Variants in ZNF732 observed in about 807,000 individuals in gnomAD.
ZNF732 encodes zinc finger protein LOC654254.
In ZNF732, 12 loss-of-function variants were observed where a neutral mutation model predicts 11.5. The ratio of observed to expected loss-of-function variants is 1.05; its 90% CI spans 0.67 to 1.70. The LOEUF (loss-of-function observed/expected upper bound fraction) is 1.70. Among genes scored for constraint, ZNF732 ranks in the 40% most tolerant of loss-of-function variants. The probability of loss-of-function intolerance (pLI) is 0.00; values close to 1 mark genes in which losing one functional copy is unlikely to be tolerated. For synonymous variants in ZNF732, 231 were observed against 236.5 expected, an observed-to-expected ratio of 0.98 and a Z score of 0.21; for missense variants, 702 against 676.9, an observed-to-expected ratio of 1.04 and a Z score of -0.41.
chr4:272,509 G>A lies in ZNF732; in HGVS notation c.348C>T (p.Ser116=). 1.1e-5 allele frequency: 18 copies of A among 1,601,638 alleles called. No individual in the cohort carries two copies. Among genetic ancestry groups the A allele is most frequent in the Non-Finnish European group, 1.5e-5 (18 of 1,173,464 alleles). Residue 116 remains serine, a synonymous_variant, in exon 4 of 4, where the codon AGC becomes AGT. Transcript: ENST00000419098. ...CGHENLELRK[S]CKRKVQKGGY... ...CTCCTTTCTGCACCTTCCTTTTACA[G>A]CTTTTTCTTAATTCTAAATTCTCAT...
At chr4:288,457 A>G (rs904202927) in intron 3 of ZNF732, among the ~76,000 whole-genome samples, 8 of 152,356 alleles carry the variant, frequency 5.3e-5, no homozygotes, top group Admixed American at 1.3e-4. Flanking sequence ...AATTTTTCCC[A>G]TGTGGATACA....
chr4:299,485 A>G lies in ZNF732; in HGVS notation c.4-3330T>C, dbSNP rs534015603. Among the ~76,000 whole-genome samples, 130 of 115,648 alleles carry G rather than the reference A, an allele frequency of 1.1e-3. 6 individuals are homozygous for G. The highest frequency in any genetic ancestry group is 3.6e-3 in the African/African-American group (113 of 31,750). The allele number at this position is 115,648 out of a possible 152,430, so 75.9% of individuals were successfully genotyped here. A position where few individuals can be genotyped will look rare whatever the true frequency, so the allele number is the denominator to read the frequency against. ...TGTATATATATATACACATATATACACATATGTGTGTATATATACACACAT... is the reference window on the plus strand; with the variant it reads ...TGTATATATATATACACATATATACGCATATGTGTGTATATATACACACAT... On this transcript the variant is annotated intron_variant, in intron 1 of 3. Transcript: ENST00000419098.
At chr4:272,769 A>G (rs1357198949) in intron 3 of ZNF732, 139 bp from the exon 4 acceptor site, 1 of 839,754 alleles carries the variant, frequency 1.2e-6, no homozygotes, top group East Asian at 2.8e-5. Context: ...CTTCACAGAC[A>G]TATATATGTA....
intron 1 of ZNF732, among the ~76,000 whole-genome samples, chr4:303,695 A>G (rs1386502822): frequency 1.3e-5 from 2 of 152,232 alleles, no homozygotes; most frequent in African/African-American, 4.8e-5. Flanking sequence ...CCTCATTCTA[A>G]AGAGAGACCA....
intron 3 of ZNF732, among the ~76,000 whole-genome samples, chr4:289,064 G>A (rs1413304799): frequency 6.6e-6 from 1 of 152,226 alleles, no homozygotes; most frequent in Non-Finnish European, 1.5e-5. Flanking sequence ...GCCCCAAAAA[G>A]CTTCCAATCA....
In ZNF732 at chr4:270,761, A is replaced by G; in HGVS notation, c.*338T>C. ...TTATAGGCTTTCCCACATTCTTTAC[A>G]TTTGTAGGATTCATCTCCCATATGA... On this transcript the variant is annotated 3_prime_UTR_variant, in exon 4 of 4. Transcript: ENST00000419098. 2.1e-6 allele frequency: 1 copy of G among 482,708 alleles called. No individual in the cohort carries two copies. Among genetic ancestry groups the G allele is most frequent in the Non-Finnish European group, 3.9e-6 (1 of 253,626 alleles). 29.9% of individuals were successfully genotyped at this position (482,708 alleles called of 1,614,324 possible). A position where few individuals can be genotyped will look rare whatever the true frequency, so the allele number is the denominator to read the frequency against.
chr4:274,769 T>C (rs1158315820), intron 3 of ZNF732, among the ~76,000 whole-genome samples: 3 of 151,700 alleles, frequency 2.0e-5, no homozygotes, highest in African/African-American at 7.2e-5. Flanking sequence ...TCATAAAATA[T>C]ACTTTAAAAA....
At chr4:296,782 A>T (rs184146949) in intron 1 of ZNF732, among the ~76,000 whole-genome samples, 7 of 152,320 alleles carry the variant, frequency 4.6e-5, no homozygotes, top group African/African-American at 1.7e-4. Flanking sequence ...TAGACACATT[A>T]TATTACCACT....
intron 1 of ZNF732, among the ~76,000 whole-genome samples, chr4:299,920 T>C (rs2108661912): frequency 6.9e-6 from 1 of 145,244 alleles, no homozygotes; most frequent in South Asian, 2.2e-4. Flanking sequence ...GCCAGTCTGG[T>C]CTCGAACTCC....
intron 1 of ZNF732, among the ~76,000 whole-genome samples, chr4:296,816 A>G (rs780989074): frequency 6.6e-6 from 1 of 152,218 alleles, no homozygotes; most frequent in Non-Finnish European, 1.5e-5. Context: ...CAGGCACAGC[A>G]TAGAGTCCCT....
chr4:299,487 ATATG>A (rs1720057924), intron 1 of ZNF732, among the ~76,000 whole-genome samples: 1 of 111,184 alleles, frequency 9.0e-6, no homozygotes, highest in South Asian at 3.2e-4. Context: ...ATATATACAC[ATATG>A]TGTGTATATA....
intron 1 of ZNF732, among the ~76,000 whole-genome samples, chr4:297,632 A>G (rs76782413): frequency 7.9e-6 from 1 of 125,794 alleles, no homozygotes; most frequent in Admixed American, 8.1e-5. Flanking sequence ...AAAAAAAAAA[A>G]CTGCAGGGAT....
chr4:294,009 G>C (rs1719897586), intron 3 of ZNF732, among the ~76,000 whole-genome samples: 1 of 152,072 alleles, frequency 6.6e-6, no homozygotes, highest in Admixed American at 6.5e-5. Context: ...GTTTGGTTTT[G>C]GTTTTTTTGG....
At chr4:277,778 CCACA>C (rs376501527) in intron 3 of ZNF732, among the ~76,000 whole-genome samples, 21 of 151,886 alleles carry the variant, frequency 1.4e-4, no homozygotes, top group African/African-American at 4.8e-4. Flanking sequence ...CCATGAACTA[CCACA>C]CACACACAAA....
chr4:272,686 A>G (rs1454041666), intron 3 of ZNF732, 56 bp from the exon 4 acceptor site: 9 of 1,382,652 alleles, frequency 6.5e-6, no homozygotes, highest in Non-Finnish European at 8.6e-6. Flanking sequence ...AATATACTTT[A>G]AAAATCTAAT....
Position 271,614 on chromosome 4 carries a change from C to A in ZNF732, c.1243G>T (p.Glu415Ter). The A allele has an allele frequency of 6.2e-7, 1 of 1,612,342 alleles. No homozygotes were observed. The highest frequency in any genetic ancestry group is 1.1e-5 in the South Asian group (1 of 90,880). Residue 415 changes from glutamate (E) to a stop codon, truncating the protein, a stop_gained, in exon 4 of 4, where the codon GAG becomes TAG. Coordinates refer to ENST00000419098, the MANE Select transcript of ZNF732 (RefSeq NM_001137608.3). LOFTEE classifies it low-confidence loss of function (END_TRUNC). ...LNEHKRIHTG[E>*]RPHKCEECGK... Reference sequence around the variant, plus strand: ...CACTCTTCACATTTGTGGGGCCTCTCTCCAGTATGAATTCTCTTATGTTCA... The same window carrying A: ...CACTCTTCACATTTGTGGGGCCTCTATCCAGTATGAATTCTCTTATGTTCA...
chr4:292,171 C>A (rs1553841411), intron 3 of ZNF732, among the ~76,000 whole-genome samples: 3 of 151,966 alleles, frequency 2.0e-5, no homozygotes, highest in African/African-American at 7.3e-5. Flanking sequence ...TTTGATATGC[C>A]ATCAAAAGCA....
In ZNF732 at chr4:271,865, T is replaced by C. The variant is rs1719380214; in HGVS notation, c.992A>G (p.Glu331Gly). 6.2e-7 allele frequency: 1 copy of C among 1,613,772 alleles called. No homozygotes were observed. The highest frequency in any genetic ancestry group is 8.5e-7 in the Non-Finnish European group (1 of 1,179,894). ...ACATTCTTCACATGTGTAGGGTTTC[T>C]CTCCAGTATGAATTCTGTTATGTTT... ...LTKHNRIHTG[E>G]KPYTCEECGK... Residue 331 changes from glutamate to glycine, a missense_variant, in exon 4 of 4, where the codon GAG (glutamate) becomes GGG (glycine). By Grantham distance (98) the Glu-to-Gly change is moderately conservative. Coordinates refer to ENST00000419098, the MANE Select transcript of ZNF732 (RefSeq NM_001137608.3).
At chr4:277,860 TAC>T (rs1553839004) in intron 3 of ZNF732, among the ~76,000 whole-genome samples, 1 of 152,102 alleles carries the variant, frequency 6.6e-6, no homozygotes, top group Non-Finnish European at 1.5e-5. Context: ...TGCTGGAACA[TAC>T]GTTAGTCCTA....
Sources: allele counts gnomAD v4.1 joint callset (sites outside exome capture counted in the v4.1 genomes callset), GRCh38; gene constraint gnomAD v4.1.1; transcripts MANE v1.5; gene names NCBI Gene and HGNC (gene_info 2026-07-23, HGNC 2026-07-21).